The following SLC8A1 variants were observed in gnomAD, a reference collection of about 807,000 sequenced individuals.
SLC8A1 encodes the protein sodium/calcium exchanger 1.
In SLC8A1, 18 loss-of-function variants were observed where a neutral mutation model predicts 68.3. The observed-to-expected ratio is 0.26, with a 90% confidence interval of 0.18 to 0.39. SLC8A1 has a LOEUF of 0.39. Among genes scored for constraint, SLC8A1 ranks in the 10% least tolerant of loss-of-function variants. The pLI, the probability that SLC8A1 is intolerant of heterozygous loss-of-function variation, is 1.00. For missense variants in SLC8A1, 985 were observed against 1,156.7 expected (o/e 0.85, Z 2.15); for synonymous variants, 475 against 415.5 (o/e 1.14, Z -1.74).
At chr2:40,461,418 G>T (rs1265138043) in intron 1 of SLC8A1, among the ~76,000 whole-genome samples, 1 of 152,054 alleles carries the variant, frequency 6.6e-6, no homozygotes, top group Non-Finnish European at 1.5e-5. Context: ...TGTCCCCCTT[G>T]GTGTGCTGGT....
intron 2 of SLC8A1, among the ~76,000 whole-genome samples, chr2:40,265,242 G>C (rs1417460640): frequency 6.6e-6 from 1 of 152,120 alleles, no homozygotes. Context: ...GTTTACAGTT[G>C]TCCATTACAG....
chr2:40,506,946 C>G (rs1706408266), intron 1 of SLC8A1, among the ~76,000 whole-genome samples: 1 of 151,750 alleles, frequency 6.6e-6, no homozygotes, highest in East Asian at 1.9e-4. Flanking sequence ...AAAAGTACAA[C>G]TGAGCAATTT....
chr2:40,397,001 T>A (rs1456895409), intron 2 of SLC8A1, among the ~76,000 whole-genome samples: 1 of 152,142 alleles, frequency 6.6e-6, no homozygotes, highest in Non-Finnish European at 1.5e-5. Context: ...GGAAAAGTAA[T>A]GTCTAAATAT....
At chr2:40,279,711 GC>G in intron 2 of SLC8A1, among the ~76,000 whole-genome samples, 1 of 152,252 alleles carries the variant, frequency 6.6e-6, no homozygotes, top group African/African-American at 2.4e-5. Flanking sequence ...CATTACATCA[GC>G]CTTGTAAAGT....
At chr2:40,351,182 A>G (rs559061418) in intron 2 of SLC8A1, among the ~76,000 whole-genome samples, 23 of 152,186 alleles carry the variant, frequency 1.5e-4, no homozygotes, top group Admixed American at 3.9e-4. Flanking sequence ...ATTAAGAACC[A>G]TATCTTACCT....
At chr2:40,136,672 G>C (rs1004290962) in intron 7 of SLC8A1, among the ~76,000 whole-genome samples, 2 of 152,072 alleles carry the variant, frequency 1.3e-5, no homozygotes, top group Admixed American at 1.3e-4. Flanking sequence ...TTATTCTTCT[G>C]CCTGTAGCAA....
At chr2:40,199,057 A>G (rs1223904734) in intron 2 of SLC8A1, among the ~76,000 whole-genome samples, 1 of 150,808 alleles carries the variant, frequency 6.6e-6, no homozygotes, top group Non-Finnish European at 1.5e-5. Context: ...ACAATTAATA[A>G]ATACAGAAAA....
chr2:40,394,104 AG>A (rs1686146600), intron 2 of SLC8A1, among the ~76,000 whole-genome samples: 1 of 152,104 alleles, frequency 6.6e-6, no homozygotes, highest in Non-Finnish European at 1.5e-5. Flanking sequence ...AGTAGTGCAC[AG>A]GACAGCCCCC....
chr2:40,361,183 G>A (rs1250764760), intron 2 of SLC8A1, among the ~76,000 whole-genome samples: 3 of 152,128 alleles, frequency 2.0e-5, no homozygotes, highest in Non-Finnish European at 4.4e-5. Context: ...TTCATGAATG[G>A]AGTTTAATGG....
At chr2:40,279,359 G>A (rs2067195731) in intron 2 of SLC8A1, among the ~76,000 whole-genome samples, 1 of 152,174 alleles carries the variant, frequency 6.6e-6, no homozygotes, top group Non-Finnish European at 1.5e-5. Context: ...TGAAAGAAGC[G>A]ATTTGTTCAA....
chr2:40,307,409 T>C (rs2072859865), intron 2 of SLC8A1, among the ~76,000 whole-genome samples: 2 of 152,154 alleles, frequency 1.3e-5, no homozygotes, highest in Admixed American at 6.5e-5. Flanking sequence ...AGTTGTTTAA[T>C]GGGTACAGTG....
rs117655256 is a variant in SLC8A1 at position 40,161,508 on chromosome 2, G to C, written c.2062-644C>G. ...TTCTTATGGTTTAGGGCACGTTGCA[G>C]TTTACCTTGCCCTAAATCTCCCCTG... On this transcript the variant is annotated intron_variant, in intron 5 of 7. Transcript: ENST00000406785. Among the ~76,000 whole-genome samples the C allele has an allele frequency of 1.5e-3, 234 of 152,276 alleles. 4 individuals are homozygous for C. In the East Asian group the frequency reaches 0.041, roughly 26 times the overall value.
chr2:40,385,981 T>C (rs1575944484), intron 2 of SLC8A1, among the ~76,000 whole-genome samples: 2 of 66,004 alleles, frequency 3.0e-5, no homozygotes, highest in East Asian at 4.6e-4. Flanking sequence ...AATAGGTGAT[T>C]TTCATTTTTA....
At chr2:40,472,500 A>G (rs1030716087) in intron 1 of SLC8A1, among the ~76,000 whole-genome samples, 2 of 152,312 alleles carry the variant, frequency 1.3e-5, no homozygotes, top group South Asian at 2.1e-4. Flanking sequence ...GATGAAACAA[A>G]GATGTTTCAA....
intron 7 of SLC8A1, among the ~76,000 whole-genome samples, chr2:40,125,347 G>A (rs778339131): frequency 1.2e-4 from 18 of 152,154 alleles, no homozygotes; most frequent in Non-Finnish European, 2.4e-4. Flanking sequence ...TCTGGCCTGG[G>A]ATCCAGTGTC....
intron 1 of SLC8A1, among the ~76,000 whole-genome samples, chr2:40,483,159 A>G (rs193293944): frequency 6.2e-4 from 94 of 151,790 alleles, no homozygotes; most frequent in African/African-American, 2.2e-3. Flanking sequence ...AAATAAAAAT[A>G]TACAATAATT....
chr2:40,454,355 A>G (rs978596071), upstream of SLC8A1, among the ~76,000 whole-genome samples: 2 of 152,022 alleles, frequency 1.3e-5, no homozygotes, highest in African/African-American at 2.4e-5. Context: ...TCTTATTGCT[A>G]TGACGGGCCG....
intron 2 of SLC8A1, among the ~76,000 whole-genome samples, chr2:40,267,254 T>C (rs1046503603): frequency 6.6e-6 from 1 of 152,232 alleles, no homozygotes; most frequent in African/African-American, 2.4e-5. Flanking sequence ...CTTTTGTCTC[T>C]GGGTAACTTC....
chr2:40,420,323 C>A (rs1354232835), intron 2 of SLC8A1, among the ~76,000 whole-genome samples: 2 of 150,636 alleles, frequency 1.3e-5, no homozygotes, highest in African/African-American at 4.9e-5. Flanking sequence ...GATACTAATT[C>A]TTTGCTGTCA....
Sources: allele counts gnomAD v4.1 joint callset (sites outside exome capture counted in the v4.1 genomes callset), GRCh38; gene constraint gnomAD v4.1.1; transcripts MANE v1.5; gene names NCBI Gene and HGNC (gene_info 2026-07-23, HGNC 2026-07-21).